SPG21: variants seen among roughly 807,000 people sequenced by gnomAD.
SPG21 encodes the protein SPG21 abhydrolase domain containing, maspardin, also known as maspardin.
Under a neutral mutation model 38.9 loss-of-function variants are expected in SPG21, and 26 were observed. The ratio of observed to expected loss-of-function variants is 0.67; its 90% confidence interval spans 0.49 to 0.93. SPG21 has a LOEUF of 0.93. Ranked by LOEUF, SPG21 falls within the 40% of genes least tolerant of loss-of-function variation. The probability of loss-of-function intolerance (pLI) is 0.00; values close to 1 mark genes in which losing one functional copy is unlikely to be tolerated. For synonymous variants in SPG21, 136 were observed against 128.9 expected, an observed-to-expected ratio of 1.05 and a Z score of -0.37; for missense variants, 333 against 376.5, an observed-to-expected ratio of 0.88 and a Z score of 0.96.
At chr15:64,964,593 G>C (rs2085507293) in intron 8 of SPG21, among the ~76,000 whole-genome samples, 1 of 152,010 alleles carries the variant, frequency 6.6e-6, no homozygotes, top group African/African-American at 2.4e-5. Context: ...TATCCATTTA[G>C]TTAGAGTATG....
chr15:64,966,413 A>G (rs547011855), intron 7 of SPG21, among the ~76,000 whole-genome samples: 2 of 152,332 alleles, frequency 1.3e-5, no homozygotes, highest in East Asian at 3.9e-4. Flanking sequence ...GGCTGTTTTC[A>G]GTGACCATGA....
In SPG21 at chr15:64,969,339, T is replaced by A. The variant is rs766813089; in HGVS notation, c.585A>T (p.Glu195Asp). Residue 195 changes from glutamate (E) to aspartate (D), a missense_variant, in exon 7 of 9, where the codon GAA (glutamate) becomes GAT (aspartate). By Grantham distance (45) the Glu-to-Asp change is conservative (BLOSUM62 2). Transcript: ENST00000204566. ...VDRLESLGQS[E>D]LASRLTLNCQ... ...AATTCAAGGTAAGTCTTGAAGCCAG[T>A]TCACTCTGACCCAAACTTTCTAGCT... 2 of 1,614,030 alleles carry A rather than the reference T, an allele frequency of 1.2e-6. No individual in the cohort carries two copies. Among genetic ancestry groups the A allele is most frequent in the South Asian group, 2.2e-5 (2 of 91,086 alleles).
At chr15:64,986,697 A>G (rs1395268821) in intron 1 of SPG21, among the ~76,000 whole-genome samples, 1 of 151,480 alleles carries the variant, frequency 6.6e-6, no homozygotes, top group African/African-American at 2.4e-5. Context: ...AAACAAAACA[A>G]AACAAAACAA....
At position 64,989,777 on chromosome 15, in the gene SPG21, A is replaced by C. The variant is rs1220886851; in HGVS notation, c.-137T>G. The stretch of plus-strand genomic sequence containing the variant: ...CCCGGGTCGGGGCGGGCGGCGGAGC[A>C]CTCGGGACCCACGGGCACAGCAGGC... On this transcript the variant is annotated 5_prime_UTR_variant, in exon 1 of 9. Coordinates refer to ENST00000204566, the MANE Select transcript of SPG21 (RefSeq NM_016630.7). The C allele has an allele frequency of 6.6e-6, 1 of 152,000 alleles. No individual in the cohort carries two copies. The highest frequency in any genetic ancestry group is 1.5e-5 in the Non-Finnish European group (1 of 68,312). 9.4% of individuals were successfully genotyped at this position (152,000 alleles called of 1,614,324 possible). A position where few individuals can be genotyped will look rare whatever the true frequency, so the allele number is the denominator to read the frequency against.
At position 64,981,257 on chromosome 15, in the gene SPG21, G is replaced by A. The variant is rs4316701; in HGVS notation, c.64-232C>T. 182,018 of 486,284 alleles carry A rather than the reference G, an allele frequency of 0.37. 37,337 individuals carry two copies. Among genetic ancestry groups the A allele is most frequent in the East Asian group, 0.52 (13,220 of 25,532 alleles). The allele number at this position is 486,284 out of a possible 1,614,324, so 30.1% of individuals were successfully genotyped here. ...AGAACTACTTTATAATCTTCCAAAGGGCTGCTGCTTCTCTGTTTCTTCCCC... is the reference window on the plus strand; with the variant it reads ...AGAACTACTTTATAATCTTCCAAAGAGCTGCTGCTTCTCTGTTTCTTCCCC... On this transcript the variant is annotated intron_variant, in intron 2 of 8. Coordinates refer to ENST00000204566, the MANE Select transcript of SPG21 (RefSeq NM_016630.7).
intron 3 of SPG21, 129 bp downstream of exon 3, chr15:64,980,735 C>A: frequency 2.4e-5 from 19 of 802,658 alleles, no homozygotes; most frequent in Non-Finnish European, 3.6e-5. Context: ...GAGAATCCAT[C>A]TCAACAAACA....
chr15:64,983,749 T>C (rs940519061), intron 1 of SPG21, among the ~76,000 whole-genome samples, 156 bp from the exon 2 acceptor site: 5 of 152,100 alleles, frequency 3.3e-5, no homozygotes, highest in East Asian at 1.9e-4. Context: ...AGAAAACAAT[T>C]TGGTGAAATA....
intron 4 of SPG21, 53 bp downstream of exon 4, chr15:64,976,422 C>A: frequency 7.4e-7 from 1 of 1,356,918 alleles, no homozygotes; most frequent in South Asian, 1.2e-5. Context: ...GAGACTTCAT[C>A]TCAAAAAATA....
rs1462026238 is a variant in SPG21 at position 64,986,413 on chromosome 15, C to T, written c.-24-2820G>A. Reference sequence around the variant, plus strand: ...ATATGTTAAAAAATTTTGCCAGGCGCGGCGGCTCACACCTGTAATCCCAGC... The same window carrying T: ...ATATGTTAAAAAATTTTGCCAGGCGTGGCGGCTCACACCTGTAATCCCAGC... On this transcript the variant is annotated intron_variant, in intron 1 of 8. Transcript: ENST00000204566. 7.9e-5 allele frequency among the ~76,000 whole-genome samples: 12 copies of T among 151,096 alleles called. No individual in the cohort carries two copies. The East Asian group carries it at 1.4e-3, about 17-fold the overall frequency.
intron 1 of SPG21, chr15:64,988,831 A>C (rs2086054367): frequency 6.6e-6 from 1 of 152,166 alleles, no homozygotes; most frequent in Non-Finnish European, 1.5e-5. Context: ...AAATACAAAA[A>C]ATTAGCCGGG....
intron 4 of SPG21, among the ~76,000 whole-genome samples, chr15:64,976,024 A>G (rs1198285161): frequency 6.6e-6 from 1 of 152,214 alleles, no homozygotes; most frequent in Non-Finnish European, 1.5e-5. Flanking sequence ...CATTGACTGC[A>G]GTGATGGTTG....
chr15:64,988,408 T>C (rs1595883193), intron 1 of SPG21, among the ~76,000 whole-genome samples: 1 of 152,194 alleles, frequency 6.6e-6, no homozygotes, highest in Non-Finnish European at 1.5e-5. Flanking sequence ...TTGATGTGCA[T>C]TGTGGAAAAT....
chr15:64,974,010 T>C (rs2085725938), intron 5 of SPG21, among the ~76,000 whole-genome samples: 1 of 152,160 alleles, frequency 6.6e-6, no homozygotes, highest in South Asian at 2.1e-4. Flanking sequence ...ATAAGTGGGA[T>C]AAACAGAACA....
At chr15:64,982,717 C>T (rs112990985) in intron 2 of SPG21, among the ~76,000 whole-genome samples, 1,685 of 152,280 alleles carry the variant, frequency 0.011, 9 homozygotes, top group South Asian at 0.02. Flanking sequence ...AGAGTCAATA[C>T]TCAACTGCAA....
In SPG21 at chr15:64,963,434, G is replaced by A. The variant is rs1254557503; in HGVS notation, c.*186C>T. The A allele has an allele frequency of 1.7e-6, 1 of 588,434 alleles. No homozygotes were observed. The highest frequency in any genetic ancestry group is 3.0e-6 in the Non-Finnish European group (1 of 329,854). The allele number at this position is 588,434 out of a possible 1,614,324, so 36.5% of individuals were successfully genotyped here. On this transcript the variant is annotated 3_prime_UTR_variant, in exon 9 of 9. Coordinates refer to ENST00000204566, the MANE Select transcript of SPG21 (RefSeq NM_016630.7). ...TCAAAAGCTAAGAAAACCAAAGAGG[G>A]AACAGTTACACAGGCTTAGTGGAGA...
chr15:64,970,335 C>G, intron 5 of SPG21, 113 bp from the exon 6 acceptor site: 2 of 886,738 alleles, frequency 2.3e-6, no homozygotes, highest in Non-Finnish European at 3.7e-6. Context: ...AAGTCCTAAT[C>G]CCCTCCTCCA....
intron 8 of SPG21, among the ~76,000 whole-genome samples, 178 bp downstream of exon 8, chr15:64,965,142 A>G (rs1273695631): frequency 6.6e-6 from 1 of 152,174 alleles, no homozygotes; most frequent in Non-Finnish European, 1.5e-5. Context: ...GATCTCTAAT[A>G]TACCTGTTCA....
rs1407579626 is a variant in SPG21, at chr15:64,976,687, T to C, written c.226-132A>G. Reference sequence around the variant, plus strand: ...AGCGCTGCTCCTTATTCAAAATATGTAAAAATAAGCTCTCACTTTTTACTA... The same window carrying C: ...AGCGCTGCTCCTTATTCAAAATATGCAAAAATAAGCTCTCACTTTTTACTA... On this transcript the variant is annotated intron_variant, in intron 3 of 8. Coordinates refer to ENST00000204566, the MANE Select transcript of SPG21 (RefSeq NM_016630.7). The C allele has an allele frequency of 6.0e-6, 4 of 667,942 alleles. No individual in the cohort carries two copies. The African/African-American group carries it at 7.3e-5, about 12-fold the overall frequency. The allele number at this position is 667,942 out of a possible 1,614,324, so 41.4% of individuals were successfully genotyped here.
chr15:64,972,789 G>A (rs890552013), intron 5 of SPG21, among the ~76,000 whole-genome samples: 4 of 152,164 alleles, frequency 2.6e-5, no homozygotes, highest in Non-Finnish European at 4.4e-5. Context: ...CTGAGATCGT[G>A]CCACTGCACT....
Sources: allele counts gnomAD v4.1 joint callset (sites outside exome capture counted in the v4.1 genomes callset), GRCh38; gene constraint gnomAD v4.1.1; transcripts MANE v1.5; gene names NCBI Gene and HGNC (gene_info 2026-07-23, HGNC 2026-07-21).